The following PRELID2 variants were observed in gnomAD, a reference collection of about 807,000 sequenced individuals.
PRELID2 encodes PRELI domain-containing protein 2.
A neutral mutation model predicts 28.4 loss-of-function variants in PRELID2; 25 were observed. That is an observed-to-expected ratio of 0.88 (90% CI 0.64 to 1.23). The LOEUF is 1.23. Among genes scored for constraint, PRELID2 ranks in the 50% most tolerant of loss-of-function variants. PRELID2 has a pLI of 0.00. For synonymous variants in PRELID2, 76 were observed against 71.6 expected, an observed-to-expected ratio of 1.06 and a Z score of -0.31; for missense variants, 201 against 214.4, an observed-to-expected ratio of 0.94 and a Z score of 0.39.
the PRELID2 span, among the ~76,000 whole-genome samples, chr5:145,273,705 A>G: frequency 6.6e-6 from 1 of 152,308 alleles, no homozygotes; most frequent in African/African-American, 2.4e-5. Context: ...GATTATGAAT[A>G]TCAATATTTA....
rs192907221 is a variant in PRELID2 at position 145,539,901 on chromosome 5, A to G, written n.71-66586T>C. On this transcript the variant is annotated intron_variant and non_coding_transcript_variant, in intron 1 of 2. Transcript: ENST00000510259. ...GGAACTATGAAAAATGTTAGTATTA[A>G]ATGAAAAACAACTAGAAAGAAATAA... Among the ~76,000 whole-genome samples the G allele has an allele frequency of 7.7e-3, 1,167 of 152,002 alleles. 21 individuals are homozygous for G. The highest frequency in any genetic ancestry group is 0.027 in the African/African-American group (1,119 of 41,544).
chr5:145,538,037 GTC>G (rs904040225), intron 1 of PRELID2, among the ~76,000 whole-genome samples: 7 of 151,790 alleles, frequency 4.6e-5, no homozygotes, highest in African/African-American at 1.7e-4. Context: ...TAACCATCTA[GTC>G]TCAATTTTCT....
chr5:145,483,329 T>C (rs1752179661), intron 1 of PRELID2, among the ~76,000 whole-genome samples: 1 of 152,172 alleles, frequency 6.6e-6, no homozygotes, highest in Non-Finnish European at 1.5e-5. Flanking sequence ...TACTAGCTGT[T>C]TTGGATCCCC....
chr5:145,556,273 G>A (rs1752879665), intron 1 of PRELID2, among the ~76,000 whole-genome samples: 1 of 151,932 alleles, frequency 6.6e-6, no homozygotes, highest in Admixed American at 6.6e-5. Flanking sequence ...GCCTTATGTG[G>A]AGCACCTAAT....
At chr5:145,773,958 A>C (rs1381929327) in intron 5 of PRELID2, among the ~76,000 whole-genome samples, 2 of 152,178 alleles carry the variant, frequency 1.3e-5, no homozygotes, top group African/African-American at 4.8e-5. Flanking sequence ...CTCCTTCCCC[A>C]CAGGTTCATG....
chr5:145,608,715 T>C (rs900679692), intron 1 of PRELID2, among the ~76,000 whole-genome samples: 4 of 152,180 alleles, frequency 2.6e-5, no homozygotes, highest in African/African-American at 9.7e-5. Context: ...TGACTATGTG[T>C]CTTAGGGATG....
At chr5:145,327,114 G>A in the PRELID2 span, among the ~76,000 whole-genome samples, 1 of 152,060 alleles carries the variant, frequency 6.6e-6, no homozygotes, top group Non-Finnish European at 1.5e-5. Context: ...GAAACATTCT[G>A]TATATGTCTT....
At chr5:145,353,531 T>A in the PRELID2 span, among the ~76,000 whole-genome samples, 2 of 152,056 alleles carry the variant, frequency 1.3e-5, no homozygotes, top group Non-Finnish European at 2.9e-5. Context: ...ACAGGCTTAA[T>A]TGACTCACAG....
intron 1 of PRELID2, among the ~76,000 whole-genome samples, chr5:145,600,108 A>G (rs968128024): frequency 6.7e-6 from 1 of 149,644 alleles, no homozygotes; most frequent in Non-Finnish European, 1.5e-5. Flanking sequence ...TAGCCAGAAG[A>G]AAAAGAATCT....
chr5:145,430,131 T>C, the PRELID2 span, among the ~76,000 whole-genome samples: 7 of 152,198 alleles, frequency 4.6e-5, no homozygotes, highest in African/African-American at 1.7e-4. Context: ...TAATAGTTAA[T>C]TAATCCAATT....
chr5:145,277,655 A>G, the PRELID2 span, among the ~76,000 whole-genome samples: 1 of 152,178 alleles, frequency 6.6e-6, no homozygotes, highest in Non-Finnish European at 1.5e-5. Flanking sequence ...GAGTGCTGAC[A>G]GATAATAAAC....
At chr5:145,480,969 T>A (rs1161854187) in intron 1 of PRELID2, among the ~76,000 whole-genome samples, 2 of 152,210 alleles carry the variant, frequency 1.3e-5, no homozygotes, top group Non-Finnish European at 2.9e-5. Flanking sequence ...GTATGCTAAT[T>A]GTTCTCCTTC....
chr5:145,737,776 T>A (rs12518852), intron 1 of PRELID2, among the ~76,000 whole-genome samples: 2 of 152,030 alleles, frequency 1.3e-5, no homozygotes, highest in Non-Finnish European at 2.9e-5. Flanking sequence ...AGGATGTAAC[T>A]TCAGGGAGGG....
chr5:145,719,518 A>G (rs1046270895), intron 1 of PRELID2, among the ~76,000 whole-genome samples: 2 of 151,738 alleles, frequency 1.3e-5, no homozygotes, highest in Admixed American at 6.6e-5. Context: ...AGAGAGAGAG[A>G]GGGAATACAT....
rs1581145299 is a variant in PRELID2, at chr5:145,757,616, A to G, written c.*2920T>C. Among the ~76,000 whole-genome samples the G allele has an allele frequency of 6.6e-6, 1 of 152,156 alleles. No homozygotes were observed. The highest frequency in any genetic ancestry group is 1.5e-5 in the Non-Finnish European group (1 of 68,034). On this transcript the variant is annotated 3_prime_UTR_variant, in exon 7 of 7. Transcript: ENST00000683046. ...TACAGAATAAAAAACATGGACTTCT[A>G]AATGTTTTATCACAAAACATATAAT...
chr5:145,716,216 T>A (rs1755839273), intron 1 of PRELID2, among the ~76,000 whole-genome samples: 1 of 152,212 alleles, frequency 6.6e-6, no homozygotes, highest in Non-Finnish European at 1.5e-5. Context: ...TATCCTGTCT[T>A]GTTCGTCATT....
chr5:145,833,231 T>C (rs945364460), intron 1 of PRELID2, among the ~76,000 whole-genome samples: 1 of 152,180 alleles, frequency 6.6e-6, no homozygotes, highest in African/African-American at 2.4e-5. Context: ...TTTAAAAACC[T>C]TAGAGTCTAA....
chr5:145,469,694 G>C (rs879846712), downstream of PRELID2, among the ~76,000 whole-genome samples: 3 of 152,082 alleles, frequency 2.0e-5, no homozygotes, highest in Non-Finnish European at 2.9e-5. Flanking sequence ...AACTTCATCT[G>C]ACAAGTAGTC....
At chr5:145,418,835 C>T in the PRELID2 span, among the ~76,000 whole-genome samples, 11 of 151,640 alleles carry the variant, frequency 7.3e-5, no homozygotes, top group African/African-American at 2.4e-4. Flanking sequence ...CCCACTAACT[C>T]GTCATCTAGT....
Sources: allele counts gnomAD v4.1 joint callset (sites outside exome capture counted in the v4.1 genomes callset), GRCh38; gene constraint gnomAD v4.1.1; transcripts MANE v1.5; gene names NCBI Gene and HGNC (gene_info 2026-07-23, HGNC 2026-07-21).